The following FMO5 variants were observed in gnomAD, a reference collection of about 807,000 sequenced individuals.
FMO5 encodes the protein flavin-containing monooxygenase 5.
In FMO5, 51 loss-of-function variants were observed where a neutral mutation model predicts 43.6. The observed-to-expected ratio is 1.17, with a 90% confidence interval of 0.93 to 1.48. The LOEUF is 1.48. Among genes scored for constraint, FMO5 ranks in the 40% most tolerant of loss-of-function variants. The pLI is 0.00. For synonymous variants in FMO5, 187 were observed against 216.5 expected, an observed-to-expected ratio of 0.86 and a Z score of 1.20; for missense variants, 644 against 643.0, an observed-to-expected ratio of 1.00 and a Z score of -0.02.
intron 7 of FMO5, among the ~76,000 whole-genome samples, chr1:147,195,153 C>T (rs1398747862): frequency 2.6e-5 from 4 of 152,228 alleles, no homozygotes; most frequent in East Asian, 3.9e-4. Context: ...ACCAATCCGA[C>T]GTAGATTTGG....
At chr1:147,203,683 A>C in intron 6 of FMO5, 1 of 1,478,676 alleles carries the variant, frequency 6.8e-7, no homozygotes, top group Middle Eastern at 1.8e-4. Flanking sequence ...TGGCTAATTC[A>C]ATTTCTGTTG....
chr1:147,193,215 G>A (rs1171402420), intron 7 of FMO5, among the ~76,000 whole-genome samples: 2 of 152,046 alleles, frequency 1.3e-5, no homozygotes, highest in Non-Finnish European at 2.9e-5. Context: ...CAGAGATTCA[G>A]CTTCTTCCTG....
chr1:147,203,660 G>A, intron 6 of FMO5: 1 of 1,419,492 alleles, frequency 7.0e-7, no homozygotes, highest in Non-Finnish European at 1.0e-6. Flanking sequence ...CTCTCCATAT[G>A]ATGTGATCTG....
intron 6 of FMO5, chr1:147,203,610 C>T: frequency 1.7e-6 from 2 of 1,202,142 alleles, no homozygotes; most frequent in South Asian, 1.2e-5. Flanking sequence ...AACGCCTCAG[C>T]AAACTTCTTA....
chr1:147,213,363 G>T lies in FMO5; in HGVS notation c.432C>A (p.Val144=), dbSNP rs782629782. The T allele has an allele frequency of 3.1e-6, 5 of 1,613,660 alleles. No individual in the cohort carries two copies. The highest frequency in any genetic ancestry group is 3.4e-6 in the Non-Finnish European group (4 of 1,179,804). ...GKKEMNVFDG[V]MVCTGHHTNA... ...TGGTGTGATGGCCAGTGCAAACCATGACTCCATCAAAGACATTCATCTCCT... is the reference window on the plus strand; with the variant it reads ...TGGTGTGATGGCCAGTGCAAACCATTACTCCATCAAAGACATTCATCTCCT... Residue 144 remains valine, a synonymous_variant, in exon 4 of 9, where the codon GTC becomes GTA. Transcript: ENST00000254090.
chr1:147,201,299 C>T lies in FMO5; in HGVS notation c.1036G>A (p.Val346Ile), dbSNP rs1553920876. 1.2e-6 allele frequency: 2 copies of T among 1,614,164 alleles called. No individual in the cohort carries two copies. The highest frequency in any genetic ancestry group is 2.2e-5 in the East Asian group (1 of 44,866). ...FPFLEDSVKVVKNKISLYKKV... is the reference protein window; with the variant it reads ...FPFLEDSVKVIKNKISLYKKV... ...TTATACAGGGATATCTTGTTTTTGA[C>T]CACTTTGACGGAATCTTCCAGAAAT... The change falls in exon 7 of 9, where the codon GTC becomes ATC. Residue 346 changes from valine to isoleucine, a missense_variant. Transcript: ENST00000254090.
In FMO5 at chr1:147,225,038, G is replaced by C. The variant is rs1553927391; in HGVS notation, c.-9C>G. Reference sequence around the variant, plus strand: ...ATTCTTTTCTTAGTCATGGTCTCCCGAGATCTTCACCTGTTAGTGTCGCCT... The same window carrying C: ...ATTCTTTTCTTAGTCATGGTCTCCCCAGATCTTCACCTGTTAGTGTCGCCT... On this transcript the variant is annotated 5_prime_UTR_variant, in exon 2 of 9. Transcript: ENST00000254090. 1.9e-6 allele frequency: 3 copies of C among 1,613,972 alleles called. No individual in the cohort carries two copies. The highest frequency in any genetic ancestry group is 2.2e-5 in the East Asian group (1 of 44,884).
intron 7 of FMO5, among the ~76,000 whole-genome samples, chr1:147,194,856 A>T (rs1426232399): frequency 6.6e-6 from 1 of 152,096 alleles, no homozygotes; most frequent in African/African-American, 2.4e-5. Context: ...TCTGGCTTGT[A>T]GAGTTACTGC....
In FMO5 at chr1:147,212,603, TG is replaced by T. The variant is rs200650061; in HGVS notation, c.488-69del. On this transcript the variant is annotated intron_variant, in intron 4 of 8. Transcript: ENST00000254090. ...GATAGATATCATTTGTCAAGTCATT[TG>T]TTTTTTTTGCAGACTTAAGTTTAAG... is the stretch of plus-strand genomic sequence containing the variant. 2,240 of 1,462,730 alleles carry T rather than the reference TG, an allele frequency of 1.5e-3. 7 individuals are homozygous for T. In the African/African-American group the frequency reaches 0.017, roughly 11 times the overall value. The allele number at this position is 1,462,730 out of a possible 1,614,324, so 90.6% of individuals were successfully genotyped here. A position where few individuals can be genotyped will look rare whatever the true frequency, so the allele number is the denominator to read the frequency against.
At chr1:147,226,882 G>A (rs903922428), upstream of FMO5, among the ~76,000 whole-genome samples, 1 of 150,420 alleles carries the variant, frequency 6.6e-6, no homozygotes, top group African/African-American at 2.5e-5. Flanking sequence ...ACTTGGGCTG[G>A]AGTGCAGTGG....
intron 3 of FMO5, chr1:147,215,068 C>A (rs1661757854): frequency 6.6e-6 from 1 of 152,028 alleles, no homozygotes; most frequent in African/African-American, 2.4e-5. Flanking sequence ...CCATAAAATT[C>A]TTTTATGGTC....
intron 2 of FMO5, among the ~76,000 whole-genome samples, chr1:147,216,956 T>C (rs1231637690): frequency 6.6e-6 from 1 of 152,202 alleles, no homozygotes; most frequent in Non-Finnish European, 1.5e-5. Flanking sequence ...AACTTCCTAT[T>C]GAGGCCGGGC....
At chr1:147,212,884 T>A (rs1553924031) in intron 4 of FMO5, among the ~76,000 whole-genome samples, 1 of 152,168 alleles carries the variant, frequency 6.6e-6, no homozygotes, top group African/African-American at 2.4e-5. Context: ...ACATATATTC[T>A]TATATACTTT....
At chr1:147,217,196 G>A (rs28381175) in intron 2 of FMO5, among the ~76,000 whole-genome samples, 12 of 151,638 alleles carry the variant, frequency 7.9e-5, no homozygotes, top group Non-Finnish European at 1.6e-4. Flanking sequence ...CAGAGATAGC[G>A]CCATTGCACT....
intron 7 of FMO5, among the ~76,000 whole-genome samples, chr1:147,190,724 G>A (rs183804056): frequency 3.3e-5 from 5 of 152,126 alleles, no homozygotes; most frequent in Non-Finnish European, 5.9e-5. Flanking sequence ...GGGTACATGT[G>A]CACAATGTGC....
In FMO5 at chr1:147,208,916, ATTTG is replaced by A; in HGVS notation, c.762_765del (p.Lys255IlefsTer6). 1 of 1,614,056 alleles carries A rather than the reference ATTTG, an allele frequency of 6.2e-7. No homozygotes were observed. The highest frequency in any genetic ancestry group is 1.3e-5 in the African/African-American group (1 of 75,018). On this transcript the variant is annotated frameshift_variant, in exon 6 of 9. Coordinates refer to ENST00000254090, the MANE Select transcript of FMO5 (RefSeq NM_001461.4). LOFTEE classifies it high-confidence loss of function. The stretch of plus-strand genomic sequence containing the variant: ...CTTTGGTTTATCTTTTTTTCCAAAT[ATTTG>A]TTTGCTAATGATTGGCCACAGATCT...
intron 2 of FMO5, among the ~76,000 whole-genome samples, chr1:147,221,020 T>C (rs1662922976): frequency 6.7e-6 from 1 of 150,018 alleles, no homozygotes; most frequent in Non-Finnish European, 1.5e-5. Context: ...TGGCACCTTA[T>C]AATATTCCTC....
intron 7 of FMO5, among the ~76,000 whole-genome samples, chr1:147,197,896 G>T (rs993932914): frequency 1.3e-5 from 2 of 152,166 alleles, no homozygotes; most frequent in African/African-American, 4.8e-5. Flanking sequence ...GTCAGTATAT[G>T]TTATCTGAAG....
chr1:147,195,840 T>C (rs1303425810), intron 7 of FMO5, among the ~76,000 whole-genome samples: 1 of 152,136 alleles, frequency 6.6e-6, no homozygotes, highest in African/African-American at 2.4e-5. Flanking sequence ...AACCTAGTGG[T>C]TATCTCATTC....
Sources: gnomAD v4.1 joint callset for allele counts (sites outside exome capture counted in the v4.1 genomes callset) on GRCh38, gnomAD v4.1.1 for gene constraint, MANE v1.5 for transcripts, NCBI Gene and HGNC (gene_info 2026-07-23, HGNC 2026-07-21) for gene names.